The following TRPC7 variants were observed in gnomAD, a reference collection of about 807,000 sequenced individuals.
TRPC7 encodes the protein short transient receptor potential channel 7.
TRPC7 carries 42 observed loss-of-function variants against 90.1 expected under a neutral mutation model. The ratio of observed to expected loss-of-function variants is 0.47; its 90% CI spans 0.36 to 0.60. The LOEUF (loss-of-function observed/expected upper bound fraction) is 0.60. Among genes scored for constraint, TRPC7 ranks in the 20% least tolerant of loss-of-function variants. The probability of loss-of-function intolerance (pLI) is 0.00; values close to 1 mark genes in which losing one functional copy is unlikely to be tolerated. For missense variants in TRPC7, 955 were observed against 1,112.3 expected, an observed-to-expected ratio of 0.86 and a Z score of 2.01; for synonymous variants, 451 against 436.3, an observed-to-expected ratio of 1.03 and a Z score of -0.42.
chr5:136,240,772 C>A (rs1561683664), intron 7 of TRPC7, among the ~76,000 whole-genome samples: 1 of 152,180 alleles, frequency 6.6e-6, no homozygotes, highest in African/African-American at 2.4e-5. Flanking sequence ...AAGTCTGGTA[C>A]CTCTCTGAGC....
chr5:136,282,829 A>G (rs1293567646), intron 3 of TRPC7, among the ~76,000 whole-genome samples: 1 of 152,184 alleles, frequency 6.6e-6, no homozygotes, highest in Non-Finnish European at 1.5e-5. Context: ...ACATGTATTA[A>G]ATGCCTATTG....
chr5:136,335,933 A>T (rs987658209), intron 2 of TRPC7, among the ~76,000 whole-genome samples: 1 of 142,826 alleles, frequency 7.0e-6, no homozygotes, highest in African/African-American at 2.6e-5. Flanking sequence ...AAAAAAAGCT[A>T]CGAGATAAAA....
At chr5:136,232,352 C>T (rs745647851) in intron 7 of TRPC7, among the ~76,000 whole-genome samples, 2 of 152,200 alleles carry the variant, frequency 1.3e-5, no homozygotes, top group Non-Finnish European at 2.9e-5. Flanking sequence ...AGGCACTCGA[C>T]AAAGAGCAGC....
intron 3 of TRPC7, among the ~76,000 whole-genome samples, chr5:136,311,343 G>A (rs1349055531): frequency 6.6e-6 from 1 of 152,296 alleles, no homozygotes; most frequent in East Asian, 1.9e-4. Flanking sequence ...TCTTCTGTTA[G>A]ACAAGTTGAG....
chr5:136,338,004 C>T (rs1759719507), intron 2 of TRPC7, among the ~76,000 whole-genome samples: 1 of 152,106 alleles, frequency 6.6e-6, no homozygotes, highest in Non-Finnish European at 1.5e-5. Context: ...CAAACAACTG[C>T]ATTGTGAGTA....
chr5:136,301,777 C>A (rs934171139), intron 3 of TRPC7, among the ~76,000 whole-genome samples: 4 of 152,240 alleles, frequency 2.6e-5, no homozygotes, highest in Admixed American at 2.6e-4. Context: ...GTGAAATAAA[C>A]AGCCATGTTG....
chr5:136,346,315 T>C (rs1580980822), intron 2 of TRPC7, among the ~76,000 whole-genome samples: 2 of 152,338 alleles, frequency 1.3e-5, no homozygotes, highest in East Asian at 3.9e-4. Context: ...CTTCTGCTCT[T>C]CTATATTTTT....
intron 7 of TRPC7, among the ~76,000 whole-genome samples, chr5:136,238,813 T>C (rs1182135916): frequency 6.6e-6 from 1 of 152,110 alleles, no homozygotes; most frequent in Non-Finnish European, 1.5e-5. Flanking sequence ...AGGTCACAAA[T>C]AAACATGAGA....
intron 1 of TRPC7, among the ~76,000 whole-genome samples, chr5:136,361,515 C>T (rs183246024): frequency 4.6e-5 from 7 of 152,162 alleles, no homozygotes; most frequent in Non-Finnish European, 1.0e-4. Flanking sequence ...ATCTTGTGCC[C>T]TAAGTCCAGC....
At chr5:136,350,019 G>C (rs1190095884) in intron 2 of TRPC7, among the ~76,000 whole-genome samples, 1 of 152,100 alleles carries the variant, frequency 6.6e-6, no homozygotes. Flanking sequence ...TGCTGCACAG[G>C]TTTATAGCCT....
intron 3 of TRPC7, among the ~76,000 whole-genome samples, chr5:136,282,590 C>T (rs1375035112): frequency 1.3e-5 from 2 of 152,072 alleles, no homozygotes; most frequent in African/African-American, 4.8e-5. Flanking sequence ...TCAAAATATG[C>T]TCAAGATTTA....
intron 7 of TRPC7, among the ~76,000 whole-genome samples, chr5:136,240,239 A>G (rs1162359643): frequency 6.6e-6 from 1 of 152,128 alleles, no homozygotes; most frequent in Non-Finnish European, 1.5e-5. Context: ...CCTTCTAGGA[A>G]GCCTTCTCTG....
intron 7 of TRPC7, among the ~76,000 whole-genome samples, chr5:136,240,870 T>A (rs558328717): frequency 6.6e-6 from 1 of 152,086 alleles, no homozygotes; most frequent in African/African-American, 2.4e-5. Flanking sequence ...GGTCAACAAT[T>A]TGATATTTAT....
At chr5:136,344,189 C>A (rs1293235685) in intron 2 of TRPC7, among the ~76,000 whole-genome samples, 2 of 152,172 alleles carry the variant, frequency 1.3e-5, no homozygotes, top group Non-Finnish European at 2.9e-5. Flanking sequence ...CCAAATACTG[C>A]ATGTTTTCAC....
intron 2 of TRPC7, among the ~76,000 whole-genome samples, chr5:136,346,317 T>C (rs1760004622): frequency 2.6e-5 from 4 of 152,244 alleles, no homozygotes; most frequent in Admixed American, 2.6e-4. Context: ...TCTGCTCTTC[T>C]ATATTTTTTA....
chr5:136,231,173 G>A (rs967035308), intron 8 of TRPC7, among the ~76,000 whole-genome samples, 181 bp downstream of exon 8: 40 of 152,204 alleles, frequency 2.6e-4, no homozygotes, highest in African/African-American at 9.7e-4. Flanking sequence ...GCAATGCCAT[G>A]GGGCAGACTG....
chr5:136,275,613 G>A lies in TRPC7; in HGVS notation c.964-776C>T, dbSNP rs1016521145. ...CTTCTTACCACTACTTCTCTCTCTT[G>A]GAACTGTTCTGCCCTAATGCTTAGG... On this transcript the variant is annotated intron_variant, in intron 3 of 11. Transcript: ENST00000513104. Among the ~76,000 whole-genome samples the A allele has an allele frequency of 2.6e-5, 4 of 152,126 alleles. No homozygotes were observed. In the South Asian group the frequency reaches 8.3e-4, roughly 32 times the overall value.
chr5:136,232,275 T>C (rs900531874), intron 7 of TRPC7, among the ~76,000 whole-genome samples: 9 of 152,186 alleles, frequency 5.9e-5, no homozygotes, highest in Non-Finnish European at 8.8e-5. Flanking sequence ...AGGGGAGTGA[T>C]GGCAGACACC....
At chr5:136,365,159 G>T in intron 1 of TRPC7, 94 bp downstream of exon 1, 3 of 1,364,268 alleles carry the variant, frequency 2.2e-6, no homozygotes, top group African/African-American at 1.4e-5. Context: ...GAGGAAGAAG[G>T]CTGATAAATG....
Sources: gnomAD v4.1 joint callset for allele counts (sites outside exome capture counted in the v4.1 genomes callset) on GRCh38, gnomAD v4.1.1 for gene constraint, MANE v1.5 for transcripts, NCBI Gene and HGNC (gene_info 2026-07-23, HGNC 2026-07-21) for gene names.